The following FBP2 variants were observed in gnomAD, a reference collection of about 807,000 sequenced individuals.
The protein encoded by FBP2 is fructose-bisphosphatase 2.
In FBP2, 27 loss-of-function variants were observed where a neutral mutation model predicts 31.6. The observed-to-expected ratio is 0.85, with a 90% CI of 0.63 to 1.18. The LOEUF is 1.18. Among genes scored for constraint, FBP2 ranks in the 50% most tolerant of loss-of-function variants. FBP2 has a pLI of 0.00. For missense variants in FBP2, 421 were observed against 436.1 expected, an observed-to-expected ratio of 0.97 and a Z score of 0.31; for synonymous variants, 168 against 179.8, an observed-to-expected ratio of 0.93 and a Z score of 0.53.
chr9:94,586,274 C>T (rs1827426424), intron 2 of FBP2, among the ~76,000 whole-genome samples: 2 of 152,166 alleles, frequency 1.3e-5, no homozygotes, highest in Admixed American at 6.5e-5. Context: ...ACTCAGGAGG[C>T]TGAGGCGGGA....
At chr9:94,583,165 G>A (rs1253022958) in intron 3 of FBP2, among the ~76,000 whole-genome samples, 1 of 152,020 alleles carries the variant, frequency 6.6e-6, no homozygotes, top group Non-Finnish European at 1.5e-5. Flanking sequence ...TGTTAAATAT[G>A]TATATTTTGC....
intron 1 of FBP2, among the ~76,000 whole-genome samples, chr9:94,591,418 G>A (rs1355375091): frequency 6.6e-6 from 1 of 152,228 alleles, no homozygotes; most frequent in African/African-American, 2.4e-5. Context: ...GGGGCCAGCA[G>A]GGCTGGCTGG....
At chr9:94,561,221 C>G (rs1057300474) in intron 6 of FBP2, among the ~76,000 whole-genome samples, 15 of 152,292 alleles carry the variant, frequency 9.8e-5, no homozygotes, top group African/African-American at 3.6e-4. Context: ...GCATTAGTAC[C>G]TAATGCGCTT....
At chr9:94,582,742 G>C (rs1827385301) in intron 3 of FBP2, among the ~76,000 whole-genome samples, 1 of 151,452 alleles carries the variant, frequency 6.6e-6, no homozygotes, top group African/African-American at 2.4e-5. Context: ...TAGAGGCAGG[G>C]TTTCACCATG....
At chr9:94,559,950 C>T (rs1314393250) in intron 6 of FBP2, among the ~76,000 whole-genome samples, 4 of 151,932 alleles carry the variant, frequency 2.6e-5, no homozygotes, top group Non-Finnish European at 4.4e-5. Flanking sequence ...GATAGTGAGA[C>T]CCCATCTCTA....
At chr9:94,559,638 G>T (rs73653483) in intron 6 of FBP2, among the ~76,000 whole-genome samples, 14,005 of 152,112 alleles carry the variant, frequency 0.092, 1,283 homozygotes, top group African/African-American at 0.23. Context: ...GCTTTGACTT[G>T]TCTAACTAGT....
chr9:94,581,561 G>T (rs1052546972), intron 3 of FBP2, among the ~76,000 whole-genome samples: 9 of 152,122 alleles, frequency 5.9e-5, no homozygotes, highest in Non-Finnish European at 8.8e-5. Flanking sequence ...GGCCATAGGG[G>T]TCCCATCGAG....
At chr9:94,569,854 TCA>T (rs770492578) in intron 4 of FBP2, 5 of 152,210 alleles carry the variant, frequency 3.3e-5, no homozygotes, top group Admixed American at 1.3e-4. Context: ...CCCACAGACC[TCA>T]CAGGCTCAGT....
chr9:94,558,924 TG>T lies in FBP2; in HGVS notation c.*13del, dbSNP rs1564177649. 3.7e-6 allele frequency: 6 copies of T among 1,613,434 alleles called. No homozygotes were observed. The highest frequency in any genetic ancestry group is 1.7e-5 in the Admixed American group (1 of 60,004). On this transcript the variant is annotated 3_prime_UTR_variant, in exon 7 of 7. Transcript: ENST00000375337. ...TGCAAGACAAACAGAAGAGGGCATG[TG>T]GGGTCAAACTCGCTAGCTGCCTGCC...
At chr9:94,571,036 T>C (rs1827263363) in intron 4 of FBP2, 1 of 155,834 alleles carries the variant, frequency 6.4e-6, no homozygotes, top group African/African-American at 2.4e-5. Flanking sequence ...TGGCAAAGCA[T>C]TTCACAATTG....
intron 3 of FBP2, among the ~76,000 whole-genome samples, chr9:94,576,026 T>C (rs1183812448): frequency 6.6e-6 from 1 of 152,226 alleles, no homozygotes; most frequent in East Asian, 1.9e-4. Flanking sequence ...ATCTATTATG[T>C]GCCTTCTTAG....
In FBP2 at chr9:94,593,537, G is replaced by T; in HGVS notation, c.170+20C>A. On this transcript the variant is annotated intron_variant, in intron 1 of 6. Coordinates refer to ENST00000375337, the MANE Select transcript of FBP2 (RefSeq NM_003837.4). The stretch of plus-strand genomic sequence containing the variant: ...GGGCCTGGGGTGCTCTGTGCCCCAT[G>T]CCTGCTCCCCAGGACTCACAGGTGG... The T allele has an allele frequency of 1.2e-6, 2 of 1,606,928 alleles. No individual in the cohort carries two copies. The highest frequency in any genetic ancestry group is 1.1e-5 in the South Asian group (1 of 90,098).
At chr9:94,576,501 G>A (rs955561661) in intron 3 of FBP2, 1 of 152,322 alleles carries the variant, frequency 6.6e-6, no homozygotes, top group Non-Finnish European at 1.5e-5. Flanking sequence ...GACAGGGCCT[G>A]TGGGGCTGCC....
chr9:94,592,196 C>T (rs1402583303), intron 1 of FBP2, among the ~76,000 whole-genome samples: 1 of 152,196 alleles, frequency 6.6e-6, no homozygotes, highest in East Asian at 1.9e-4. Context: ...CAGAGCGTGG[C>T]TGTTATTGCC....
chr9:94,571,029 C>G (rs1433236882), intron 4 of FBP2: 2 of 154,916 alleles, frequency 1.3e-5, no homozygotes, highest in Non-Finnish European at 2.9e-5. Context: ...GTATACTTGG[C>G]AAAGCATTTC....
intron 6 of FBP2, among the ~76,000 whole-genome samples, chr9:94,561,420 T>C (rs1311152243): frequency 7.6e-6 from 1 of 131,516 alleles, no homozygotes; most frequent in Admixed American, 9.4e-5. Context: ...TGGAGTGCAG[T>C]GGCGCGATCT....
intron 5 of FBP2, among the ~76,000 whole-genome samples, chr9:94,565,109 C>G (rs1247808914): frequency 1.3e-5 from 2 of 152,064 alleles, no homozygotes; most frequent in Non-Finnish European, 2.9e-5. Context: ...CATGGTGGTT[C>G]ACGCCTGTAA....
intron 3 of FBP2, among the ~76,000 whole-genome samples, chr9:94,582,850 C>CT (rs1174064928): frequency 0.054 from 5,763 of 107,490 alleles, 270 homozygotes; most frequent in African/African-American, 0.086. Flanking sequence ...TCCCAGCCCC[C>CT]TTTTTTTTTT....
At chr9:94,589,950 T>C (rs1313291073) in intron 1 of FBP2, among the ~76,000 whole-genome samples, 1 of 152,148 alleles carries the variant, frequency 6.6e-6, no homozygotes, top group African/African-American at 2.4e-5. Flanking sequence ...CGATATGGAA[T>C]CTGAATGCGC....
Sources: gnomAD v4.1 joint callset for allele counts (sites outside exome capture counted in the v4.1 genomes callset) on GRCh38, gnomAD v4.1.1 for gene constraint, MANE v1.5 for transcripts, NCBI Gene and HGNC (gene_info 2026-07-23, HGNC 2026-07-21) for gene names.